Variants in PRMT8 observed in about 807,000 individuals in gnomAD.
The protein encoded by PRMT8 is protein arginine methyltransferase 8, also known as protein arginine N-methyltransferase 8.
PRMT8 carries 7 observed loss-of-function variants against 47.1 expected under a neutral mutation model. The observed-to-expected ratio is 0.15, with a 90% confidence interval of 0.08 to 0.28. The LOEUF (loss-of-function observed/expected upper bound fraction) is 0.28, where lower values mean the gene tolerates loss of function less well. PRMT8 is among the 10% of genes least tolerant of loss of function. PRMT8 has a pLI of 1.00. For synonymous variants in PRMT8, 188 were observed against 186.5 expected, an observed-to-expected ratio of 1.01 and a Z score of -0.07; for missense variants, 237 against 505.4, an observed-to-expected ratio of 0.47 and a Z score of 5.09.
At chr12:3,525,387 G>A (rs537337365) in intron 1 of PRMT8, among the ~76,000 whole-genome samples, 1 of 152,298 alleles carries the variant, frequency 6.6e-6, no homozygotes, top group South Asian at 2.1e-4. Flanking sequence ...GGTATGCAGA[G>A]GATACAGGAG....
intron 1 of PRMT8, among the ~76,000 whole-genome samples, chr12:3,510,457 T>G (rs938154264): frequency 2.6e-5 from 4 of 152,246 alleles, no homozygotes; most frequent in Non-Finnish European, 5.9e-5. Context: ...AGTTAATGGA[T>G]GTACTAATTA....
rs908323752 is a variant in PRMT8, at chr12:3,492,321, T to C, written c.75+621T>C. 6.6e-6 allele frequency among the ~76,000 whole-genome samples: 1 copy of C among 151,924 alleles called. No individual in the cohort carries two copies. The highest frequency in any genetic ancestry group is 1.5e-5 in the Non-Finnish European group (1 of 67,964). ...GAGAGAAGTCTGCAATCCTCAGATA[T>C]CAGAGCCGCCTCTGGGTAGCTAAAC... On this transcript the variant is annotated intron_variant, in intron 1 of 9. Transcript: ENST00000382622. The surrounding 1 kb of genome is among the most constrained non-coding windows in gnomAD (Gnocchi z 7.5).
chr12:3,587,838 G>A (rs1203225286), intron 8 of PRMT8, among the ~76,000 whole-genome samples: 2 of 152,144 alleles, frequency 1.3e-5, no homozygotes, highest in East Asian at 1.9e-4. Flanking sequence ...ATCCCATACC[G>A]CACAGCCTGA....
chr12:3,433,686 A>C (rs1864706466), intron 1 of PRMT8, among the ~76,000 whole-genome samples: 1 of 152,072 alleles, frequency 6.6e-6, no homozygotes, highest in Non-Finnish European at 1.5e-5. Flanking sequence ...ATCTCGGCTC[A>C]CTGCAACCTC....
In PRMT8 at chr12:3,386,738, C is replaced by A. The variant is rs530888663; in HGVS notation, c.48+5296C>A. 4.1e-5 allele frequency among the ~76,000 whole-genome samples: 6 copies of A among 147,534 alleles called. 1 individual carries two copies. The South Asian group carries it at 1.3e-3, about 32-fold the overall frequency. On this transcript the variant is annotated intron_variant, in intron 1 of 9. Coordinates refer to the PRMT8 transcript ENST00000452611. ...TTCTTTCTTTCTTTTTTTATGGAGT[C>A]TTTCCCTGTCATCCAGGCTGGAGTG...
intron 1 of PRMT8, among the ~76,000 whole-genome samples, chr12:3,385,575 T>A (rs1864130578): frequency 4.4e-5 from 1 of 22,636 alleles, no homozygotes; most frequent in African/African-American, 5.9e-5. Flanking sequence ...CCTTATTAGA[T>A]CAACACTTTA....
chr12:3,465,761 T>A (rs1201028820), intron 1 of PRMT8, among the ~76,000 whole-genome samples: 1 of 152,198 alleles, frequency 6.6e-6, no homozygotes, highest in Admixed American at 6.5e-5. Flanking sequence ...TTGAGGACCT[T>A]TCAGAGGGCA....
intron 2 of PRMT8, among the ~76,000 whole-genome samples, chr12:3,547,496 G>A (rs546377943): frequency 1.3e-5 from 2 of 151,982 alleles, no homozygotes; most frequent in East Asian, 3.9e-4. Flanking sequence ...AGTTGAATGG[G>A]GCCAGGCATG....
At chr12:3,582,079 G>A (rs1315946815) in intron 7 of PRMT8, among the ~76,000 whole-genome samples, 1 of 152,158 alleles carries the variant, frequency 6.6e-6, no homozygotes, top group Admixed American at 6.5e-5. Context: ...GAGTTTTCAG[G>A]ACAGAGGTCC....
At chr12:3,424,146 A>G (rs1053951445) in intron 1 of PRMT8, among the ~76,000 whole-genome samples, 2 of 152,226 alleles carry the variant, frequency 1.3e-5, no homozygotes, top group Admixed American at 1.3e-4. Context: ...AGTTTGAAAC[A>G]CTGGCTCAGG....
chr12:3,480,798 A>G (rs1865267137), intron 1 of PRMT8, among the ~76,000 whole-genome samples: 1 of 152,246 alleles, frequency 6.6e-6, no homozygotes, highest in Non-Finnish European at 1.5e-5. Flanking sequence ...TGCTCACACC[A>G]GCCTGTAACT....
chr12:3,404,223 A>G (rs917911474), intron 1 of PRMT8, among the ~76,000 whole-genome samples: 1 of 152,176 alleles, frequency 6.6e-6, no homozygotes, highest in Non-Finnish European at 1.5e-5. Flanking sequence ...TACTTTTACT[A>G]CACGTATGTA....
Position 3,583,227 on chromosome 12 carries a change from C to T in PRMT8, c.979+19C>T, listed in dbSNP as rs911731890. 1.6e-5 allele frequency: 25 copies of T among 1,598,100 alleles called. No homozygotes were observed. Among genetic ancestry groups the T allele is most frequent in the South Asian group, 2.3e-5 (2 of 88,298 alleles). ...TCCACAGGTGAGCTGTTTGTTGCTT[C>T]CCAGAGCCTCCTCCCTCTCCCATGC... is the stretch of plus-strand genomic sequence containing the variant. On this transcript the variant is annotated intron_variant, in intron 8 of 9. Transcript: ENST00000382622. The surrounding 1 kb of genome is among the most constrained non-coding windows in gnomAD (Gnocchi z 4.7).
At chr12:3,389,517 C>T (rs1864172114) in intron 1 of PRMT8, among the ~76,000 whole-genome samples, 1 of 152,182 alleles carries the variant, frequency 6.6e-6, no homozygotes. Flanking sequence ...CATTTGTTGT[C>T]CTCCTACCAT....
chr12:3,479,709 G>A (rs1169814547), intron 1 of PRMT8, among the ~76,000 whole-genome samples: 1 of 152,240 alleles, frequency 6.6e-6, no homozygotes, highest in Non-Finnish European at 1.5e-5. Flanking sequence ...GGGCCAGCCT[G>A]AGAATTTTCC....
chr12:3,461,855 G>C (rs919903683), intron 1 of PRMT8, among the ~76,000 whole-genome samples: 3 of 152,052 alleles, frequency 2.0e-5, no homozygotes, highest in Admixed American at 2.0e-4. Flanking sequence ...GCTTCCTACA[G>C]CCTTTGTTAC....
upstream of PRMT8, among the ~76,000 whole-genome samples, chr12:3,489,807 T>TCACA (rs59257723): frequency 2.2e-3 from 314 of 144,202 alleles, 1 homozygote; most frequent in Middle Eastern, 3.8e-3. Context: ...ATTCAAGTTT[T>TCACA]CACACACACA....
chr12:3,488,026 A>C (rs1033832168), upstream of PRMT8, among the ~76,000 whole-genome samples: 2 of 152,260 alleles, frequency 1.3e-5, no homozygotes, highest in Middle Eastern at 3.4e-3. Context: ...TGCTCCCTGA[A>C]CCTGGTCAAC....
rs766983243 is a variant in PRMT8 at position 3,538,716 on chromosome 12, G to C, written c.76-1890G>C. ...CTTCTTCAGCTTTAGAGGTGATTCT[G>C]CAGCCTGCACAGGAGTGTGCACTTG... On this transcript the variant is annotated intron_variant, in intron 1 of 9. Transcript: ENST00000382622. This position sits in a 1 kb window ranked among gnomAD's most constrained non-coding sequence, Gnocchi z 4.6. The C allele has an allele frequency of 3.9e-6, 2 of 519,032 alleles. No homozygotes were observed. Among genetic ancestry groups the C allele is most frequent in the East Asian group, 1.1e-4 (2 of 18,362 alleles). 32.2% of individuals were successfully genotyped at this position (519,032 alleles called of 1,614,324 possible). A position where few individuals can be genotyped will look rare whatever the true frequency, so the allele number is the denominator to read the frequency against.
Sources: allele counts gnomAD v4.1 joint callset (sites outside exome capture counted in the v4.1 genomes callset), GRCh38; gene constraint gnomAD v4.1.1; non-coding constraint Gnocchi (gnomAD v3.1); transcripts MANE v1.5; gene names NCBI Gene and HGNC (gene_info 2026-07-23, HGNC 2026-07-21).